The following KRABD5 variants were observed in gnomAD, a reference collection of about 807,000 sequenced individuals.
KRABD5 encodes the protein KRAB domain containing 5, also known as KRAB domain-containing protein 5.
chr16:31,749,160 G>A, the KRABD5 span, among the ~76,000 whole-genome samples: 3 of 152,190 alleles, frequency 2.0e-5, no homozygotes, highest in Non-Finnish European at 2.9e-5. Flanking sequence ...TCTGGCTGGA[G>A]TTAATGGAGT....
chr16:31,736,033 C>T, the KRABD5 span, among the ~76,000 whole-genome samples: 1 of 152,132 alleles, frequency 6.6e-6, no homozygotes, highest in Non-Finnish European at 1.5e-5. Context: ...TAGTTTAGGG[C>T]ATTACATTTA....
chr16:31,724,552 C>T, the KRABD5 span, among the ~76,000 whole-genome samples: 21 of 151,772 alleles, frequency 1.4e-4, no homozygotes, highest in African/African-American at 3.6e-4. Flanking sequence ...ATTAGCCGGG[C>T]GTGGTGGCGG....
the KRABD5 span, among the ~76,000 whole-genome samples, chr16:31,725,273 G>A: frequency 3.3e-5 from 5 of 151,978 alleles, no homozygotes; most frequent in South Asian, 4.2e-4. Flanking sequence ...GTGCCACCCC[G>A]CCTGGCTAAT....
the KRABD5 span, among the ~76,000 whole-genome samples, chr16:31,737,442 G>A: frequency 6.6e-6 from 1 of 150,568 alleles, no homozygotes; most frequent in African/African-American, 2.4e-5. Flanking sequence ...AAAAATGTGA[G>A]TTACAGTAGC....
chr16:31,759,612 A>T, the KRABD5 span: 7 of 504,554 alleles, frequency 1.4e-5, 1 homozygote, highest in South Asian at 1.5e-4. Context: ...ATGAAGCAGA[A>T]GTGGTACATG....
the KRABD5 span, among the ~76,000 whole-genome samples, chr16:31,717,799 G>T: frequency 6.6e-6 from 1 of 152,174 alleles, no homozygotes; most frequent in Admixed American, 6.5e-5. Context: ...TAGAGGGGAT[G>T]TTCCCTCTAA....
the KRABD5 span, among the ~76,000 whole-genome samples, chr16:31,751,106 A>G: frequency 6.6e-6 from 1 of 152,204 alleles, no homozygotes; most frequent in Non-Finnish European, 1.5e-5. Context: ...AAATTTCTAT[A>G]TGTTAGACTA....
the KRABD5 span, among the ~76,000 whole-genome samples, chr16:31,737,789 G>A: frequency 3.9e-5 from 6 of 152,228 alleles, no homozygotes; most frequent in South Asian, 1.2e-3. Flanking sequence ...TCCATCTGTG[G>A]AAGATTATTT....
the KRABD5 span, chr16:31,723,234 A>G: frequency 6.2e-7 from 1 of 1,607,166 alleles, no homozygotes; most frequent in Non-Finnish European, 8.5e-7. Flanking sequence ...AGCAAGAGTC[A>G]TGTGACTTTT....
the KRABD5 span, among the ~76,000 whole-genome samples, chr16:31,745,763 G>T: frequency 1.3e-5 from 2 of 151,924 alleles, no homozygotes; most frequent in East Asian, 3.9e-4. Context: ...CTACGTCTCT[G>T]TAAGTCTCTA....
chr16:31,748,739 G>A, the KRABD5 span, among the ~76,000 whole-genome samples: 3 of 152,010 alleles, frequency 2.0e-5, no homozygotes, highest in East Asian at 3.9e-4. Flanking sequence ...GTCTAGTTTT[G>A]ATCTTTAAGG....
At chr16:31,735,409 T>C in the KRABD5 span, among the ~76,000 whole-genome samples, 2 of 152,216 alleles carry the variant, frequency 1.3e-5, no homozygotes, top group Non-Finnish European at 2.9e-5. Flanking sequence ...GTTGATTTCC[T>C]TTCTTTTGGA....
At chr16:31,755,624 G>A in the KRABD5 span, 1 of 485,204 alleles carries the variant, frequency 2.1e-6, no homozygotes, top group South Asian at 1.5e-5. Context: ...TCATACTGGA[G>A]AGAAACCCTA....
At chr16:31,747,502 C>T in the KRABD5 span, among the ~76,000 whole-genome samples, 1 of 152,168 alleles carries the variant, frequency 6.6e-6, no homozygotes, top group African/African-American at 2.4e-5. Flanking sequence ...TGGGTATATA[C>T]CCAGTAATGG....
the KRABD5 span, among the ~76,000 whole-genome samples, chr16:31,742,974 C>G: frequency 6.6e-6 from 1 of 152,138 alleles, no homozygotes. Flanking sequence ...TAAGAAGTGT[C>G]TGCTCATATC....
chr16:31,730,612 G>A, the KRABD5 span, among the ~76,000 whole-genome samples: 1 of 152,046 alleles, frequency 6.6e-6, no homozygotes, highest in African/African-American at 2.4e-5. Context: ...GATTTGGGGA[G>A]TTTTAAGACA....
chr16:31,753,614 T>G, the KRABD5 span, among the ~76,000 whole-genome samples: 1 of 152,202 alleles, frequency 6.6e-6, no homozygotes, highest in Non-Finnish European at 1.5e-5. Context: ...TACATTTAAG[T>G]TCATATATCA....
At chr16:31,744,937 G>A in the KRABD5 span, among the ~76,000 whole-genome samples, 3 of 152,062 alleles carry the variant, frequency 2.0e-5, no homozygotes, top group African/African-American at 7.2e-5. Flanking sequence ...ATTCTCTGGT[G>A]GTAGTTTGTG....
chr16:31,757,829 GGT>G, the KRABD5 span: 1 of 119,490 alleles, frequency 8.4e-6, no homozygotes, highest in Admixed American at 8.0e-5. Flanking sequence ...TATAAAGATA[GGT>G]AGGTAGGTAG....
Sources: gnomAD v4.1 joint callset for allele counts (sites outside exome capture counted in the v4.1 genomes callset) on GRCh38, gnomAD v4.1.1 for gene constraint, MANE v1.5 for transcripts, NCBI Gene and HGNC (gene_info 2026-07-23, HGNC 2026-07-21) for gene names.